CFAP77: variants seen among roughly 807,000 people sequenced by gnomAD.
The protein encoded by CFAP77 is cilia and flagella associated protein 77, also known as cilia- and flagella-associated protein 77.
In CFAP77, 25 loss-of-function variants were observed where a neutral mutation model predicts 31.1. That is an observed-to-expected ratio of 0.80 (90% CI 0.59 to 1.12). CFAP77 has a LOEUF of 1.12. Ranked by LOEUF, CFAP77 falls within the 50% of genes most tolerant of loss-of-function variation. The pLI is 0.00. For synonymous variants in CFAP77, 151 were observed against 159.9 expected, an observed-to-expected ratio of 0.94 and a Z score of 0.42; for missense variants, 377 against 397.3, an observed-to-expected ratio of 0.95 and a Z score of 0.44.
chr9:132,439,927 T>G (rs1474597125), intron 1 of CFAP77, among the ~76,000 whole-genome samples: 1 of 151,544 alleles, frequency 6.6e-6, no homozygotes. Context: ...GATCCTATGG[T>G]GCGGTGATGT....
At chr9:132,492,837 C>T (rs1452579312) in intron 1 of CFAP77, among the ~76,000 whole-genome samples, 3 of 152,120 alleles carry the variant, frequency 2.0e-5, no homozygotes, top group African/African-American at 7.2e-5. Context: ...TGGGCATTTG[C>T]ACGTGAACAA....
intron 1 of CFAP77, among the ~76,000 whole-genome samples, chr9:132,433,241 T>C (rs1589847337): frequency 2.0e-5 from 3 of 152,334 alleles, no homozygotes. Flanking sequence ...TGTGTAAAGC[T>C]AAGTGCAGAG....
At chr9:132,542,477 G>T (rs934932182) in intron 4 of CFAP77, among the ~76,000 whole-genome samples, 1 of 152,198 alleles carries the variant, frequency 6.6e-6, no homozygotes, top group Non-Finnish European at 1.5e-5. Flanking sequence ...GGAGGTCCCT[G>T]AGTCCCCCGA....
At chr9:132,482,508 G>A (rs1395487380) in intron 1 of CFAP77, 4 of 916,730 alleles carry the variant, frequency 4.4e-6, no homozygotes, top group Non-Finnish European at 5.2e-6. Context: ...ACTGCGTGCT[G>A]GGCACCCGTG....
At chr9:132,479,327 C>G (rs1481568499) in intron 1 of CFAP77, among the ~76,000 whole-genome samples, 1 of 152,130 alleles carries the variant, frequency 6.6e-6, no homozygotes, top group Non-Finnish European at 1.5e-5. Context: ...ACCTTTTCCC[C>G]CATAGTTCAT....
Position 132,545,185 on chromosome 9 carries a change from G to A in CFAP77, c.732+2138G>A, listed in dbSNP as rs1222437895. 2.0e-5 allele frequency among the ~76,000 whole-genome samples: 3 copies of A among 152,236 alleles called. No individual in the cohort carries two copies. Among genetic ancestry groups the A allele is most frequent in the African/African-American group, 4.8e-5 (2 of 41,472 alleles). ...CCATGGGTCTGCCAGTCTTGAGACCGTTGTTCTGAAATATGATTATGAACA... is the reference window on the plus strand; with the variant it reads ...CCATGGGTCTGCCAGTCTTGAGACCATTGTTCTGAAATATGATTATGAACA... On this transcript the variant is annotated intron_variant, in intron 5 of 5. Transcript: ENST00000393216. This position sits in a 1 kb window ranked among gnomAD's most constrained non-coding sequence, Gnocchi z 4.6.
chr9:132,520,106 C>A (rs1411052371), intron 3 of CFAP77, among the ~76,000 whole-genome samples: 3 of 147,886 alleles, frequency 2.0e-5, no homozygotes, highest in African/African-American at 7.5e-5. Context: ...CACTCTGCTA[C>A]ACCGCAACAG....
At chr9:132,513,362 G>T in intron 3 of CFAP77, 1 of 1,536,908 alleles carries the variant, frequency 6.5e-7, no homozygotes, top group Non-Finnish European at 8.8e-7. Context: ...TTTCGCTTCT[G>T]ATCCTTTCCT....
chr9:132,562,711 T>C (rs189853632), intron 5 of CFAP77, among the ~76,000 whole-genome samples: 1 of 152,078 alleles, frequency 6.6e-6, no homozygotes, highest in African/African-American at 2.4e-5. Context: ...TTTTATTTTT[T>C]TTTTTTGAGA....
Position 132,499,554 on chromosome 9 carries a change from G to T in CFAP77, c.478G>T (p.Glu160Ter). Reference sequence around the variant, plus strand: ...CCAGGATGACCGGCGCATGAAGAAAGAGCCGCCCCCTCTCCCTCCAAACAT... The same window carrying T: ...CCAGGATGACCGGCGCATGAAGAAATAGCCGCCCCCTCTCCCTCCAAACAT... ...SDQDDRRMKK[E>*]PPPLPPNMTF... The change falls in exon 3 of 6, where the codon GAG becomes TAG. Residue 160 changes from glutamate (E) to a stop codon, truncating the protein, a stop_gained. Transcript: ENST00000393216. LOFTEE classifies it high-confidence loss of function. The surrounding 1 kb of genome is among the most constrained non-coding windows in gnomAD (Gnocchi z 5.4). 1 of 1,614,218 alleles carries T rather than the reference G, an allele frequency of 6.2e-7. No homozygotes were observed. The highest frequency in any genetic ancestry group is 8.5e-7 in the Non-Finnish European group (1 of 1,180,040).
chr9:132,520,633 T>C (rs117037553), intron 3 of CFAP77, among the ~76,000 whole-genome samples: 1 of 152,272 alleles, frequency 6.6e-6, no homozygotes, highest in East Asian at 1.9e-4. Context: ...TCTAAATAAA[T>C]AAATTAATTA....
rs1156526289 is a variant in CFAP77 at position 132,495,029 on chromosome 9, C to T, written c.196-3666C>T. Among the ~76,000 whole-genome samples, 2 of 152,218 alleles carry T rather than the reference C, an allele frequency of 1.3e-5. No homozygotes were observed. Among genetic ancestry groups the T allele is most frequent in the South Asian group, 2.1e-4 (1 of 4,830 alleles). On this transcript the variant is annotated intron_variant, in intron 1 of 5. Transcript: ENST00000393216. This position sits in a 1 kb window ranked among gnomAD's most constrained non-coding sequence, Gnocchi z 4.2. ...ACCCTGGTGAACATGACTGCCATTG[C>T]TTAACTGTACTTTTTGCAAGACAGT...
rs1027206109 is a variant in CFAP77, at chr9:132,517,236, G to A, written c.524+17636G>A. ...CTCAGAGGCCACCATCCGCCCCTCC[G>A]TCCCTTCTCAGCTGCGAGGGTGCCA... On this transcript the variant is annotated intron_variant, in intron 3 of 5. Transcript: ENST00000393216. This position sits in a 1 kb window ranked among gnomAD's most constrained non-coding sequence, Gnocchi z 4.7. 7.2e-5 allele frequency among the ~76,000 whole-genome samples: 11 copies of A among 152,196 alleles called. No individual in the cohort carries two copies. The highest frequency in any genetic ancestry group is 2.6e-4 in the Admixed American group (4 of 15,282).
chr9:132,520,900 C>A (rs889471937), intron 3 of CFAP77, among the ~76,000 whole-genome samples: 1 of 152,368 alleles, frequency 6.6e-6, no homozygotes, highest in African/African-American at 2.4e-5. Flanking sequence ...CTAGGAGCAG[C>A]CCGCAGTCCT....
intron 3 of CFAP77, among the ~76,000 whole-genome samples, chr9:132,514,845 C>A (rs1852118082): frequency 6.6e-6 from 1 of 152,182 alleles, no homozygotes; most frequent in African/African-American, 2.4e-5. Flanking sequence ...CTCAGTTCCA[C>A]CCCTCTTCCT....
chr9:132,471,498 G>A (rs149574918), intron 1 of CFAP77, among the ~76,000 whole-genome samples: 43 of 151,886 alleles, frequency 2.8e-4, no homozygotes, highest in African/African-American at 9.2e-4. Context: ...ACCCCCTCAG[G>A]TCCTGCACAG....
chr9:132,547,801 C>T (rs568151696), intron 5 of CFAP77, among the ~76,000 whole-genome samples: 2 of 152,300 alleles, frequency 1.3e-5, no homozygotes, highest in Non-Finnish European at 2.9e-5. Flanking sequence ...TAAACATAAC[C>T]CTGCGTGGGC....
intron 5 of CFAP77, among the ~76,000 whole-genome samples, chr9:132,550,264 GT>G (rs547680982): frequency 2.0e-5 from 3 of 152,142 alleles, no homozygotes; most frequent in Non-Finnish European, 4.4e-5. Context: ...AAATATTTCG[GT>G]TTTTTGTTGA....
intron 5 of CFAP77, among the ~76,000 whole-genome samples, chr9:132,555,911 C>T (rs1485877232): frequency 6.6e-6 from 1 of 152,078 alleles, no homozygotes; most frequent in Non-Finnish European, 1.5e-5. Flanking sequence ...CCACGGCGTA[C>T]ACGATACCGA....
Sources: allele counts gnomAD v4.1 joint callset (sites outside exome capture counted in the v4.1 genomes callset), GRCh38; gene constraint gnomAD v4.1.1; non-coding constraint Gnocchi (gnomAD v3.1); transcripts MANE v1.5; gene names NCBI Gene and HGNC (gene_info 2026-07-23, HGNC 2026-07-21).